The following DSCAML1 variants were observed in gnomAD, a reference collection of about 807,000 sequenced individuals.
DSCAML1 encodes the protein cell adhesion molecule DSCAML1.
DSCAML1 carries 38 observed loss-of-function variants against 200.5 expected under a neutral mutation model. That is an observed-to-expected ratio of 0.19 (90% CI 0.15 to 0.25). DSCAML1 has a LOEUF of 0.25. Ranked by LOEUF, DSCAML1 falls within the 10% of genes least tolerant of loss-of-function variation. The pLI is 1.00. For synonymous variants in DSCAML1, 1,215 were observed against 1,165.0 expected (o/e 1.04, Z -0.87); for missense variants, 2,223 against 2,858.8 (o/e 0.78, Z 5.07).
intron 3 of DSCAML1, among the ~76,000 whole-genome samples, chr11:117,757,573 T>TACACACACACACACACAC (rs5795104): frequency 2.5e-4 from 37 of 146,908 alleles, no homozygotes; most frequent in African/African-American, 3.5e-4. Flanking sequence ...TAGGAGCCTA[T>TACACACACACACACACAC]ACACACACAC....
chr11:117,722,018 G>C (rs745693243), intron 3 of DSCAML1, among the ~76,000 whole-genome samples: 14 of 151,922 alleles, frequency 9.2e-5, no homozygotes, highest in Admixed American at 2.0e-4. Context: ...TTTTGGTTTG[G>C]TATTGTTTTT....
chr11:117,635,344 C>T (rs1224164467), intron 3 of DSCAML1, among the ~76,000 whole-genome samples: 1 of 152,038 alleles, frequency 6.6e-6, no homozygotes, highest in South Asian at 2.1e-4. Flanking sequence ...ATTTAGTGAG[C>T]TGTGGGTTGT....
chr11:117,751,643 C>T (rs2054607226), intron 3 of DSCAML1, among the ~76,000 whole-genome samples: 3 of 152,066 alleles, frequency 2.0e-5, no homozygotes, highest in African/African-American at 4.8e-5. Flanking sequence ...GCCAAGTATG[C>T]CTGAAGCTGC....
At chr11:117,696,634 A>G (rs113663893) in intron 3 of DSCAML1, among the ~76,000 whole-genome samples, 2,224 of 152,088 alleles carry the variant, frequency 0.015, 71 homozygotes, top group African/African-American at 0.051. Flanking sequence ...GCCTGGGAGC[A>G]GCAGCTGGTC....
intron 3 of DSCAML1, among the ~76,000 whole-genome samples, chr11:117,751,731 CAG>C (rs2054609158): frequency 6.6e-6 from 1 of 152,208 alleles, no homozygotes; most frequent in African/African-American, 2.4e-5. Context: ...AATGGAGGCT[CAG>C]GGGGTGAAAG....
intron 3 of DSCAML1, among the ~76,000 whole-genome samples, chr11:117,651,904 C>T (rs563136123): frequency 4.1e-4 from 63 of 152,256 alleles, no homozygotes; most frequent in African/African-American, 1.5e-3. Flanking sequence ...GATGACAATG[C>T]CTACTCTGCA....
chr11:117,746,321 T>C (rs113292419), intron 3 of DSCAML1, among the ~76,000 whole-genome samples: 3 of 151,742 alleles, frequency 2.0e-5, no homozygotes, highest in African/African-American at 7.3e-5. Flanking sequence ...TTAGGTGCCT[T>C]GGATATGGGC....
In DSCAML1 at chr11:117,428,245, T is replaced by C. The variant is rs2047699850; in HGVS notation, c.*83A>G. The C allele has an allele frequency of 6.1e-6, 5 of 823,752 alleles. No individual in the cohort carries two copies. The highest frequency in any genetic ancestry group is 1.5e-5 in the South Asian group (1 of 66,812). The allele number at this position is 823,752 out of a possible 1,614,324, so 51.0% of individuals were successfully genotyped here. Reference sequence around the variant, plus strand: ...TTGGTTTTTGTCTGTCAGTTGAATATAAATAATGCAGAAAAACAGCCGAGC... The same window carrying C: ...TTGGTTTTTGTCTGTCAGTTGAATACAAATAATGCAGAAAAACAGCCGAGC... On this transcript the variant is annotated 3_prime_UTR_variant, in exon 33 of 33. Transcript: ENST00000651296.
At chr11:117,789,248 A>G (rs915247760) in intron 1 of DSCAML1, among the ~76,000 whole-genome samples, 6 of 152,162 alleles carry the variant, frequency 3.9e-5, no homozygotes, top group Non-Finnish European at 7.3e-5. Context: ...CAGCTCCAGG[A>G]GAAGTTATGA....
chr11:117,672,671 C>A (rs2053135222), intron 3 of DSCAML1, among the ~76,000 whole-genome samples: 1 of 152,012 alleles, frequency 6.6e-6, no homozygotes, highest in Non-Finnish European at 1.5e-5. Flanking sequence ...CAAGGTGTCC[C>A]ATTTTTTTAT....
intron 3 of DSCAML1, among the ~76,000 whole-genome samples, chr11:117,629,554 C>A (rs910923681): frequency 6.8e-6 from 1 of 147,886 alleles, no homozygotes; most frequent in African/African-American, 2.4e-5. Context: ...CTAAGACAAC[C>A]GGGCAGAGAG....
chr11:117,816,899 T>C (rs1432396330), intron 1 of DSCAML1, among the ~76,000 whole-genome samples: 1 of 152,050 alleles, frequency 6.6e-6, no homozygotes, highest in East Asian at 1.9e-4. Flanking sequence ...GATCAGCCTG[T>C]AGGAGCTAGC....
At chr11:117,817,196 T>C (rs1207146216) in intron 1 of DSCAML1, among the ~76,000 whole-genome samples, 4 of 152,200 alleles carry the variant, frequency 2.6e-5, no homozygotes, top group Non-Finnish European at 1.5e-5. Context: ...TCAGCGGACT[T>C]AGCAGAGACC....
chr11:117,725,938 C>G (rs911882919), intron 3 of DSCAML1, among the ~76,000 whole-genome samples: 1 of 152,238 alleles, frequency 6.6e-6, no homozygotes, highest in African/African-American at 2.4e-5. Flanking sequence ...GCCTCTCCAG[C>G]TGGGCCCTAC....
chr11:117,679,568 G>A (rs2137690478), intron 3 of DSCAML1, among the ~76,000 whole-genome samples: 1 of 152,304 alleles, frequency 6.6e-6, no homozygotes, highest in African/African-American at 2.4e-5. Flanking sequence ...TCCTAAAGCT[G>A]CCAGCTGCTC....
intron 3 of DSCAML1, among the ~76,000 whole-genome samples, chr11:117,625,365 T>G (rs1384664327): frequency 7.6e-6 from 1 of 131,868 alleles, no homozygotes; most frequent in East Asian, 2.2e-4. Context: ...AGCAATGCCC[T>G]TGGGAGAAGA....
rs533853879 is a variant in DSCAML1, at chr11:117,794,823, G to A, written c.46+2211C>T. Among the ~76,000 whole-genome samples the A allele has an allele frequency of 4.6e-4, 70 of 151,916 alleles. 1 individual carries two copies. Among genetic ancestry groups the A allele is most frequent in the Middle Eastern group, 6.8e-3 (2 of 294 alleles). ...GCCTGGCACCTAAGACCCAATTAAG[G>A]CACCAAGGAAAAGAAAAGCCTGTCT... On this transcript the variant is annotated intron_variant, in intron 1 of 32. Coordinates refer to ENST00000651296, the MANE Select transcript of DSCAML1 (RefSeq NM_020693.4).
chr11:117,508,883 G>A (rs1190508975), intron 8 of DSCAML1, among the ~76,000 whole-genome samples: 1 of 152,158 alleles, frequency 6.6e-6, no homozygotes, highest in African/African-American at 2.4e-5. Flanking sequence ...AGTGAAATCA[G>A]GCAGGAAGGT....
chr11:117,763,465 C>T (rs1281137767), intron 3 of DSCAML1, among the ~76,000 whole-genome samples: 1 of 152,014 alleles, frequency 6.6e-6, no homozygotes. Context: ...TTTCTGGAAA[C>T]ATCCTTGATT....
Sources: allele counts gnomAD v4.1 joint callset (sites outside exome capture counted in the v4.1 genomes callset), GRCh38; gene constraint gnomAD v4.1.1; transcripts MANE v1.5; gene names NCBI Gene and HGNC (gene_info 2026-07-23, HGNC 2026-07-21).